The following CMYA5 variants were observed in gnomAD, a reference collection of about 807,000 sequenced individuals.
CMYA5 encodes cardiomyopathy associated 5.
A neutral mutation model predicts 318.9 loss-of-function variants in CMYA5; 246 were observed. The observed-to-expected ratio is 0.77, with a 90% CI of 0.70 to 0.86. The LOEUF (loss-of-function observed/expected upper bound fraction) is 0.86. CMYA5 is among the 40% of genes least tolerant of loss of function. The probability of loss-of-function intolerance (pLI) is 0.00; values close to 1 mark genes in which losing one functional copy is unlikely to be tolerated. For missense variants in CMYA5, 4,589 were observed against 4,678.2 expected (o/e 0.98, Z 0.56); for synonymous variants, 1,641 against 1,729.5 (o/e 0.95, Z 1.27).
At position 79,735,314 on chromosome 5, in the gene CMYA5, C is replaced by A. The variant is rs1828030755; in HGVS notation, c.6549C>A (p.Ser2183=). ...KGISSFKSWM[S]SLFFGSSTPD... The stretch of plus-strand genomic sequence containing the variant: ...TTTCATCTTTCAAATCGTGGATGTC[C>A]AGCTTGTTTTTTGGATCGAGCACTC... Residue 2183 remains serine, a synonymous_variant, in exon 2 of 13, where the codon TCC becomes TCA. Coordinates refer to ENST00000446378, the MANE Select transcript of CMYA5 (RefSeq NM_153610.5). The A allele has an allele frequency of 6.2e-7, 1 of 1,613,750 alleles. No individual in the cohort carries two copies. The highest frequency in any genetic ancestry group is 1.7e-5 in the Admixed American group (1 of 59,992).
chr5:79,788,715 TC>T (rs1328349005), intron 9 of CMYA5, among the ~76,000 whole-genome samples: 1 of 152,158 alleles, frequency 6.6e-6, no homozygotes, highest in Non-Finnish European at 1.5e-5. Flanking sequence ...TAGTCTGTTT[TC>T]TGAATTTTTT....
chr5:79,790,822 TG>T (rs1829164230), intron 10 of CMYA5, 147 bp from the exon 11 acceptor site: 2 of 612,612 alleles, frequency 3.3e-6, no homozygotes, highest in Non-Finnish European at 5.8e-6. Flanking sequence ...TTATCATGAG[TG>T]AAGTTTTCAG....
chr5:79,762,069 G>A, intron 8 of CMYA5, 112 bp downstream of exon 8: 2 of 1,209,566 alleles, frequency 1.7e-6, no homozygotes, highest in Non-Finnish European at 2.2e-6. Context: ...TGAGTGTTGT[G>A]CAAAGTGCTG....
In CMYA5 at chr5:79,689,938, G is replaced by T; in HGVS notation, c.31G>T (p.Glu11Ter). 1 of 1,011,304 alleles carries T rather than the reference G, an allele frequency of 9.9e-7. No homozygotes were observed. Among genetic ancestry groups the T allele is most frequent in the Non-Finnish European group, 1.5e-6 (1 of 660,002 alleles). The allele number at this position is 1,011,304 out of a possible 1,614,324, so 62.6% of individuals were successfully genotyped here. A position where few individuals can be genotyped will look rare whatever the true frequency, so the allele number is the denominator to read the frequency against. MASRDSNHAG[E>*]SFLGSDGDEE... is the part of the protein sequence containing the mutation. ...GAGCCGCGATAGCAACCACGCTGGC[G>T]AGAGCTTTCTCGGCTCCGACGGGGA... The change falls in exon 1 of 13, where the codon GAG becomes TAG. Residue 11 changes from glutamate (E) to a stop codon, truncating the protein, a stop_gained. Transcript: ENST00000446378. LOFTEE classifies it high-confidence loss of function.
intron 9 of CMYA5, 66 bp from the exon 10 acceptor site, chr5:79,788,905 A>G (rs1829125402): frequency 5.3e-6 from 8 of 1,496,382 alleles, no homozygotes; most frequent in Non-Finnish European, 6.4e-6. Context: ...TCACTACCAA[A>G]TTGAAATAGG....
At position 79,784,571 on chromosome 5, in the gene CMYA5, T is replaced by C. The variant is rs372142103; in HGVS notation, c.11556-4400T>C. Among the ~76,000 whole-genome samples, 490 of 89,884 alleles carry C rather than the reference T, an allele frequency of 5.5e-3. 5 individuals carry two copies. The highest frequency in any genetic ancestry group is 0.011 in the African/African-American group (225 of 19,810). 59.0% of individuals were successfully genotyped at this position (89,884 alleles called of 152,430 possible). ...ACTGCTGTGCTAGCAATCAGCGAGA[T>C]TCCGTGGGCGTAGGACCCTCTGAGC... On this transcript the variant is annotated intron_variant, in intron 9 of 12. Coordinates refer to ENST00000446378, the MANE Select transcript of CMYA5 (RefSeq NM_153610.5).
intron 1 of CMYA5, among the ~76,000 whole-genome samples, chr5:79,693,414 C>T (rs1561624233): frequency 6.6e-6 from 1 of 150,782 alleles, no homozygotes; most frequent in Non-Finnish European, 1.5e-5. Flanking sequence ...GATCACGGCT[C>T]ACTGCAGCCT....
chr5:79,790,065 C>T (rs1269702359), intron 10 of CMYA5, among the ~76,000 whole-genome samples: 1 of 152,200 alleles, frequency 6.6e-6, no homozygotes, highest in Non-Finnish European at 1.5e-5. Flanking sequence ...AGAGCTGGCA[C>T]AAGGTTGAGT....
rs1225956071 is a variant in CMYA5 at position 79,736,774 on chromosome 5, G to A, written c.8009G>A (p.Ser2670Asn). The change falls in exon 2 of 13, where the codon AGT becomes AAT. Residue 2670 changes from serine to asparagine, a missense_variant. By Grantham distance (46) the Ser-to-Asn change is conservative (BLOSUM62 1). Transcript: ENST00000446378. ...TCAAGCAGAGATATGCCAGATCACA[G>A]TGAAGAAAAAGAACAGTTCAGAGAG... ...EKSSRDMPDH[S>N]EEKEQFRESE... 2 of 1,613,142 alleles carry A rather than the reference G, an allele frequency of 1.2e-6. No homozygotes were observed. The highest frequency in any genetic ancestry group is 2.7e-5 in the African/African-American group (2 of 74,834).
At chr5:79,740,771 T>G (rs1173097531) in intron 2 of CMYA5, among the ~76,000 whole-genome samples, 1 of 152,202 alleles carries the variant, frequency 6.6e-6, no homozygotes, top group African/African-American at 2.4e-5. Flanking sequence ...TTCTCACCTC[T>G]TTAATCCATT....
chr5:79,704,978 A>G lies in CMYA5; in HGVS notation c.149+14922A>G, dbSNP rs186085526. ...TCTTAACATTTCTAACAGCTTTTAA[A>G]CATTTTTCTCCTGGCTTGGCGCAGT... On this transcript the variant is annotated intron_variant, in intron 1 of 12. Transcript: ENST00000446378. Among the ~76,000 whole-genome samples the G allele has an allele frequency of 1.7e-4, 26 of 152,310 alleles. No individual in the cohort carries two copies. The East Asian group carries it at 4.8e-3, about 28-fold the overall frequency.
At chr5:79,745,058 A>G (rs1828289637) in intron 3 of CMYA5, among the ~76,000 whole-genome samples, 164 bp from the exon 4 acceptor site, 1 of 152,108 alleles carries the variant, frequency 6.6e-6, no homozygotes, top group Non-Finnish European at 1.5e-5. Context: ...TAACTGTGGG[A>G]AAGGGATTGG....
At chr5:79,726,843 G>A (rs1827756614) in intron 1 of CMYA5, among the ~76,000 whole-genome samples, 3 of 151,686 alleles carry the variant, frequency 2.0e-5, no homozygotes, top group Non-Finnish European at 4.4e-5. Flanking sequence ...AACCAGGAAG[G>A]GTTTGCAGTG....
chr5:79,743,404 C>A (rs192637751), intron 2 of CMYA5, among the ~76,000 whole-genome samples: 81 of 152,206 alleles, frequency 5.3e-4, no homozygotes, highest in Non-Finnish European at 9.9e-4. Flanking sequence ...CCTTCTCAGG[C>A]CATTAGTATA....
At position 79,734,912 on chromosome 5, in the gene CMYA5, G is replaced by A; in HGVS notation, c.6147G>A (p.Gln2049=). 1 of 1,613,822 alleles carries A rather than the reference G, an allele frequency of 6.2e-7. No individual in the cohort carries two copies. Among genetic ancestry groups the A allele is most frequent in the Non-Finnish European group, 8.5e-7 (1 of 1,179,794 alleles). The change falls in exon 2 of 13, where the codon CAG becomes CAA. Residue 2049 remains glutamine, a synonymous_variant. Transcript: ENST00000446378. The part of the protein sequence containing the change: ...KIKLPPERFF[Q]KPVSGLSVEQ... ...AACTACCTCCTGAAAGATTCTTCCA[G>A]AAACCAGTGTCTGGCCTATCAGTGG...
intron 1 of CMYA5, 35 bp from the exon 2 acceptor site, chr5:79,728,880 T>C (rs1448255612): frequency 1.0e-6 from 1 of 961,588 alleles, no homozygotes; most frequent in South Asian, 5.1e-5. Context: ...TATTTTATTA[T>C]GATAATATAT....
At chr5:79,757,279 A>G (rs1043013014) in intron 6 of CMYA5, among the ~76,000 whole-genome samples, 1 of 151,330 alleles carries the variant, frequency 6.6e-6, no homozygotes. Context: ...CAAAGATTTT[A>G]TGTCATAAGT....
At chr5:79,753,799 A>C (rs1828477861) in intron 6 of CMYA5, among the ~76,000 whole-genome samples, 1 of 131,498 alleles carries the variant, frequency 7.6e-6, no homozygotes, top group African/African-American at 2.7e-5. Flanking sequence ...TAAAATTAAA[A>C]ACTCAATCAT....
At chr5:79,786,775 C>T (rs186735187) in intron 9 of CMYA5, among the ~76,000 whole-genome samples, 2 of 152,258 alleles carry the variant, frequency 1.3e-5, no homozygotes, top group South Asian at 2.1e-4. Flanking sequence ...GGAAACGAAC[C>T]ATTTGTTCTA....
Sources: gnomAD v4.1 joint callset for allele counts (sites outside exome capture counted in the v4.1 genomes callset) on GRCh38, gnomAD v4.1.1 for gene constraint, MANE v1.5 for transcripts, NCBI Gene and HGNC (gene_info 2026-07-23, HGNC 2026-07-21) for gene names.